Variants in ABCA12 observed in about 807,000 individuals in gnomAD.
The protein encoded by ABCA12 is glucosylceramide transporter ABCA12.
In ABCA12, 156 loss-of-function variants were observed where a neutral mutation model predicts 293.5. The observed-to-expected ratio is 0.53, with a 90% confidence interval of 0.47 to 0.61. ABCA12 has a LOEUF of 0.61. ABCA12 is among the 20% of genes least tolerant of loss of function. The probability of loss-of-function intolerance (pLI) is 0.00; values close to 1 mark genes in which losing one functional copy is unlikely to be tolerated. For missense variants in ABCA12, 2,797 were observed against 3,090.2 expected, an observed-to-expected ratio of 0.91 and a Z score of 2.25; for synonymous variants, 1,063 against 1,108.0, an observed-to-expected ratio of 0.96 and a Z score of 0.81.
At chr2:214,960,220 T>A (rs186058834) in intron 39 of ABCA12, among the ~76,000 whole-genome samples, 4 of 152,280 alleles carry the variant, frequency 2.6e-5, no homozygotes, top group African/African-American at 9.6e-5. Context: ...ACCAAGTTGA[T>A]TTATAATGTT....
chr2:215,138,496 G>A lies in ABCA12; in HGVS notation c.-288C>T. 1 of 425,762 alleles carries A rather than the reference G, an allele frequency of 2.3e-6. No homozygotes were observed. The highest frequency in any genetic ancestry group is 2.0e-5 in the African/African-American group (1 of 49,522). 26.4% of individuals were successfully genotyped at this position (425,762 alleles called of 1,614,324 possible). On this transcript the variant is annotated 5_prime_UTR_variant, in exon 1 of 53. Transcript: ENST00000272895. ...GCTTATTTTAAAATAATATCCAGTT[G>A]CTGCTTGTTGCACGAAGTCCAGACT...
chr2:214,964,867 GA>G (rs1232691760), intron 39 of ABCA12, among the ~76,000 whole-genome samples: 1 of 152,000 alleles, frequency 6.6e-6, no homozygotes, highest in African/African-American at 2.4e-5. Flanking sequence ...CACAGAATTA[GA>G]AAAAAATTTT....
intron 11 of ABCA12, among the ~76,000 whole-genome samples, chr2:215,021,230 T>C (rs956350192): frequency 2.0e-5 from 3 of 152,208 alleles, no homozygotes; most frequent in Non-Finnish European, 2.9e-5. Flanking sequence ...CTAATAAGAC[T>C]GTATTTAAAC....
intron 1 of ABCA12, among the ~76,000 whole-genome samples, chr2:215,125,464 A>G (rs911285424): frequency 2.6e-5 from 4 of 152,086 alleles, no homozygotes; most frequent in South Asian, 2.1e-4. Flanking sequence ...TTCATTGTCT[A>G]TGATTTATTT....
At chr2:214,996,954 G>T (rs145285134) in intron 23 of ABCA12, among the ~76,000 whole-genome samples, 219 of 152,004 alleles carry the variant, frequency 1.4e-3, no homozygotes, top group African/African-American at 4.8e-3. Context: ...GTATAAGAAG[G>T]GACTCATTAT....
At chr2:215,058,850 A>G (rs1405983153) in intron 3 of ABCA12, among the ~76,000 whole-genome samples, 2 of 152,088 alleles carry the variant, frequency 1.3e-5, no homozygotes, top group African/African-American at 4.8e-5. Flanking sequence ...GGAAAAAAAA[A>G]CTAAACACTG....
chr2:214,943,162 G>T, intron 49 of ABCA12, 145 bp from the exon 50 acceptor site: 1 of 672,346 alleles, frequency 1.5e-6, no homozygotes, highest in South Asian at 1.7e-5. Context: ...TTTTGAGATA[G>T]GGTGTCACTC....
chr2:215,098,694 C>T lies in ABCA12; in HGVS notation c.163+12903G>A, dbSNP rs78059713. On this transcript the variant is annotated intron_variant, in intron 2 of 52. Transcript: ENST00000272895. ...ATGAGTGACTCTGTTTGACAGATAG[C>T]ATAGAGAGTAGAAAGAGGATATGGG... Among the ~76,000 whole-genome samples, 1,240 of 152,270 alleles carry T rather than the reference C, an allele frequency of 8.1e-3. 7 individuals carry two copies. Among genetic ancestry groups the T allele is most frequent in the Non-Finnish European group, 0.012 (847 of 68,024 alleles).
At chr2:214,987,197 G>A (rs1176901313) in intron 27 of ABCA12, among the ~76,000 whole-genome samples, 2 of 152,094 alleles carry the variant, frequency 1.3e-5, no homozygotes, top group African/African-American at 4.8e-5. Context: ...CCGCTTAGTG[G>A]CCCGTACTCA....
chr2:215,051,645 T>TGTGTGTGTGTGA (rs1701323283), intron 5 of ABCA12, among the ~76,000 whole-genome samples: 1 of 147,394 alleles, frequency 6.8e-6, no homozygotes, highest in Non-Finnish European at 1.5e-5. Context: ...TGTGTGTGTG[T>TGTGTGTGTGTGA]GTGAAGGTGA....
intron 23 of ABCA12, among the ~76,000 whole-genome samples, chr2:214,996,518 T>C (rs974766928): frequency 6.6e-6 from 1 of 152,172 alleles, no homozygotes; most frequent in Non-Finnish European, 1.5e-5. Flanking sequence ...GGGCTTGCAA[T>C]CATAATTACG....
At chr2:214,975,590 A>AACTCTG (rs1171033134) in intron 34 of ABCA12, among the ~76,000 whole-genome samples, 195 bp downstream of exon 34, 1 of 152,164 alleles carries the variant, frequency 6.6e-6, no homozygotes, top group Non-Finnish European at 1.5e-5. Flanking sequence ...TGAATGCAAA[A>AACTCTG]ACTCTGAAAA....
intron 2 of ABCA12, among the ~76,000 whole-genome samples, chr2:215,105,406 T>G (rs2106121417): frequency 6.6e-6 from 1 of 152,208 alleles, no homozygotes; most frequent in Middle Eastern, 3.4e-3. Context: ...CACCTCCTCC[T>G]TAAGCACAGG....
At chr2:215,090,241 A>G (rs113710678) in intron 2 of ABCA12, among the ~76,000 whole-genome samples, 8,523 of 152,184 alleles carry the variant, frequency 0.056, 759 homozygotes, top group African/African-American at 0.19. Context: ...GCACCCAGGT[A>G]ATTAAAAAGC....
At chr2:215,020,291 T>A (rs964784961) in intron 11 of ABCA12, among the ~76,000 whole-genome samples, 4 of 15,022 alleles carry the variant, frequency 2.7e-4, no homozygotes, top group Non-Finnish European at 4.6e-4. Flanking sequence ...TGGGAATGTA[T>A]GCACACACAC....
At chr2:215,126,020 G>T (rs1488589483) in intron 1 of ABCA12, among the ~76,000 whole-genome samples, 1 of 152,058 alleles carries the variant, frequency 6.6e-6, no homozygotes, top group Admixed American at 6.6e-5. Context: ...ACTGGATTTT[G>T]TCAAATGTTT....
chr2:215,010,506 ATG>A, intron 17 of ABCA12, 36 bp from the exon 18 acceptor site: 3 of 1,607,380 alleles, frequency 1.9e-6, no homozygotes, highest in Non-Finnish European at 2.6e-6. Flanking sequence ...CATTTAATAG[ATG>A]TACTTCAAAT....
intron 19 of ABCA12, among the ~76,000 whole-genome samples, chr2:215,006,497 G>A (rs971567950): frequency 6.6e-6 from 1 of 152,038 alleles, no homozygotes; most frequent in Admixed American, 6.6e-5. Context: ...GATAAAATTT[G>A]GGTTGTAATT....
At chr2:215,133,033 G>A (rs924513182) in intron 1 of ABCA12, among the ~76,000 whole-genome samples, 1 of 151,768 alleles carries the variant, frequency 6.6e-6, no homozygotes, top group Non-Finnish European at 1.5e-5. Context: ...CTTCTTTAAG[G>A]AGGCTAAAAA....
Sources: gnomAD v4.1 joint callset for allele counts (sites outside exome capture counted in the v4.1 genomes callset) on GRCh38, gnomAD v4.1.1 for gene constraint, MANE v1.5 for transcripts, NCBI Gene and HGNC (gene_info 2026-07-23, HGNC 2026-07-21) for gene names.